The following EFNA5 variants were observed in gnomAD, a reference collection of about 807,000 sequenced individuals.
EFNA5 encodes the protein ephrin-A5.
A neutral mutation model predicts 22.9 loss-of-function variants in EFNA5; 5 were observed. The observed-to-expected ratio is 0.22, with a 90% CI of 0.11 to 0.46. The LOEUF (loss-of-function observed/expected upper bound fraction) is 0.46. Among genes scored for constraint, EFNA5 ranks in the 20% least tolerant of loss-of-function variants. The probability of loss-of-function intolerance (pLI) is 0.99; values close to 1 mark genes in which losing one functional copy is unlikely to be tolerated. For synonymous variants in EFNA5, 113 were observed against 112.2 expected, an observed-to-expected ratio of 1.01 and a Z score of -0.04; for missense variants, 237 against 293.3, an observed-to-expected ratio of 0.81 and a Z score of 1.40.
intron 1 of EFNA5, among the ~76,000 whole-genome samples, chr5:107,544,076 C>T (rs975368531): frequency 1.3e-5 from 2 of 152,140 alleles, no homozygotes; most frequent in African/African-American, 4.8e-5. Flanking sequence ...GGGGTCCTGA[C>T]ATTTGGGGTA....
chr5:107,430,539 A>C (rs192198964), intron 1 of EFNA5, among the ~76,000 whole-genome samples: 1 of 151,932 alleles, frequency 6.6e-6, no homozygotes, highest in East Asian at 1.9e-4. Context: ...CCACAACTGA[A>C]AAAAAAATGT....
At chr5:107,415,721 C>T (rs1748488119) in intron 2 of EFNA5, among the ~76,000 whole-genome samples, 1 of 152,236 alleles carries the variant, frequency 6.6e-6, no homozygotes, top group African/African-American at 2.4e-5. Context: ...TATGGGAGCC[C>T]TACTCATCTT....
intron 1 of EFNA5, among the ~76,000 whole-genome samples, chr5:107,536,288 G>A (rs979438986): frequency 2.6e-5 from 4 of 152,038 alleles, no homozygotes; most frequent in African/African-American, 9.7e-5. Context: ...GCAACAGGCC[G>A]ACCCTCTACA....
chr5:107,559,560 C>T (rs1748494132), intron 1 of EFNA5, among the ~76,000 whole-genome samples: 1 of 152,136 alleles, frequency 6.6e-6, no homozygotes, highest in Admixed American at 6.5e-5. Context: ...TTACATTTTA[C>T]CAAAGACCCA....
chr5:107,663,394 AT>A (rs1219890187), intron 1 of EFNA5, among the ~76,000 whole-genome samples: 2 of 152,122 alleles, frequency 1.3e-5, no homozygotes, highest in Non-Finnish European at 2.9e-5. Flanking sequence ...TAGCAAAGCG[AT>A]TTTTAAAACA....
At chr5:107,444,500 G>C (rs546285808) in intron 1 of EFNA5, among the ~76,000 whole-genome samples, 1 of 152,304 alleles carries the variant, frequency 6.6e-6, no homozygotes, top group Non-Finnish European at 1.5e-5. Flanking sequence ...ACATGAAAAA[G>C]TATTTCACAT....
chr5:107,603,198 C>T lies in EFNA5; in HGVS notation c.125+67291G>A, dbSNP rs17160243. Among the ~76,000 whole-genome samples the T allele has an allele frequency of 1.1e-3, 163 of 152,270 alleles. 1 individual carries two copies. Among genetic ancestry groups the T allele is most frequent in the African/African-American group, 3.8e-3 (158 of 41,564 alleles). ...GCCGAACTCCTCCTTCCTGGACACT[C>T]TAGATGAATTAGCTACTGTAAGGAA... On this transcript the variant is annotated intron_variant, in intron 1 of 4. Coordinates refer to ENST00000333274, the MANE Select transcript of EFNA5 (RefSeq NM_001962.3).
At chr5:107,640,886 G>A (rs1750485319) in intron 1 of EFNA5, among the ~76,000 whole-genome samples, 1 of 152,156 alleles carries the variant, frequency 6.6e-6, no homozygotes, top group South Asian at 2.1e-4. Flanking sequence ...TAGGGAGCCA[G>A]TGGGTATACC....
intron 1 of EFNA5, among the ~76,000 whole-genome samples, chr5:107,478,153 G>C (rs1452038496): frequency 1.3e-5 from 2 of 152,154 alleles, no homozygotes; most frequent in Non-Finnish European, 2.9e-5. Context: ...GTTACACCCT[G>C]TTGCCAAAGG....
At chr5:107,455,702 T>C (rs1749680474) in intron 1 of EFNA5, among the ~76,000 whole-genome samples, 1 of 152,198 alleles carries the variant, frequency 6.6e-6, no homozygotes, top group Non-Finnish European at 1.5e-5. Context: ...TTATTTCATC[T>C]CCTTAGGACA....
intron 1 of EFNA5, among the ~76,000 whole-genome samples, chr5:107,568,005 TC>T (rs1259587840): frequency 6.6e-6 from 1 of 152,174 alleles, no homozygotes; most frequent in Non-Finnish European, 1.5e-5. Context: ...CAGATGATCT[TC>T]CCACCTCAGC....
At chr5:107,461,080 T>G (rs1425840591) in intron 1 of EFNA5, among the ~76,000 whole-genome samples, 1 of 152,084 alleles carries the variant, frequency 6.6e-6, no homozygotes, top group African/African-American at 2.4e-5. Context: ...AATTTCAAAT[T>G]CTGACCACAT....
At chr5:107,633,324 C>T (rs893691844) in intron 1 of EFNA5, among the ~76,000 whole-genome samples, 5 of 152,190 alleles carry the variant, frequency 3.3e-5, no homozygotes, top group African/African-American at 1.2e-4. Flanking sequence ...GCTGTAAAAA[C>T]CCGATGTGCT....
chr5:107,421,798 T>TCTC (rs569715819), intron 2 of EFNA5, among the ~76,000 whole-genome samples: 1 of 147,508 alleles, frequency 6.8e-6, no homozygotes, highest in Non-Finnish European at 1.5e-5. Flanking sequence ...CTTTCTTTCT[T>TCTC]TTTTTTTTTT....
At chr5:107,627,337 A>T (rs925507918) in intron 1 of EFNA5, among the ~76,000 whole-genome samples, 10 of 152,226 alleles carry the variant, frequency 6.6e-5, no homozygotes, top group Non-Finnish European at 1.5e-4. Context: ...TGCTGAGCAT[A>T]CAAATTCCTA....
At chr5:107,529,215 G>C (rs539103287) in intron 1 of EFNA5, among the ~76,000 whole-genome samples, 1 of 152,184 alleles carries the variant, frequency 6.6e-6, no homozygotes, top group South Asian at 2.1e-4. Flanking sequence ...TGAAAAACTA[G>C]TTTGAAACAT....
At chr5:107,396,896 A>G (rs1561368437) in intron 2 of EFNA5, among the ~76,000 whole-genome samples, 1 of 152,166 alleles carries the variant, frequency 6.6e-6, no homozygotes, top group Non-Finnish European at 1.5e-5. Context: ...ACCGTAGGAC[A>G]AGGATGTAAA....
chr5:107,660,261 CATATATATATATATAT>C (rs56838945), intron 1 of EFNA5, among the ~76,000 whole-genome samples: 2,211 of 52,378 alleles, frequency 0.042, 75 homozygotes, highest in African/African-American at 0.078. Flanking sequence ...ATGGCAAAAA[CATATATATATATATAT>C]ATATATATAT....
intron 1 of EFNA5, among the ~76,000 whole-genome samples, chr5:107,558,224 C>T (rs1748465723): frequency 6.6e-6 from 1 of 152,048 alleles, no homozygotes; most frequent in Non-Finnish European, 1.5e-5. Flanking sequence ...TTAACCCCCA[C>T]TCCCGGCAAC....
Sources: allele counts gnomAD v4.1 joint callset (sites outside exome capture counted in the v4.1 genomes callset), GRCh38; gene constraint gnomAD v4.1.1; transcripts MANE v1.5; gene names NCBI Gene and HGNC (gene_info 2026-07-23, HGNC 2026-07-21).